The following HIF3A variants were observed in gnomAD, a reference collection of about 807,000 sequenced individuals.
HIF3A encodes the protein hypoxia inducible factor 3 subunit alpha, also known as hypoxia-inducible factor 3-alpha.
In HIF3A, 41 loss-of-function variants were observed where a neutral mutation model predicts 67.2. That is an observed-to-expected ratio of 0.61 (90% confidence interval 0.48 to 0.79). The LOEUF is 0.79. Among genes scored for constraint, HIF3A ranks in the 30% least tolerant of loss-of-function variants. The probability of loss-of-function intolerance (pLI) is 0.00; values close to 1 mark genes in which losing one functional copy is unlikely to be tolerated. For synonymous variants in HIF3A, 356 were observed against 374.8 expected (o/e 0.95, Z 0.58); for missense variants, 855 against 898.0 (o/e 0.95, Z 0.61).
chr19:46,339,089 C>T (rs917838068), intron 14 of HIF3A, among the ~76,000 whole-genome samples: 11 of 152,102 alleles, frequency 7.2e-5, no homozygotes, highest in African/African-American at 9.7e-5. Flanking sequence ...CAATACCAGG[C>T]GTTATCAATA....
rs746767083 is a variant in HIF3A, at chr19:46,324,961, C to CATATATAT, written c.1336-571_1336-570insTATATATA. Among the ~76,000 whole-genome samples, 245 of 133,170 alleles carry CATATATAT rather than the reference C, an allele frequency of 1.8e-3. 2 individuals are homozygous for CATATATAT. The highest frequency in any genetic ancestry group is 6.4e-3 in the African/African-American group (219 of 34,120). 87.4% of individuals were successfully genotyped at this position (133,170 alleles called of 152,430 possible). Reference sequence around the variant, plus strand: ...ATATATACATATATATATATATACACATACACACACACACACACATATATT... The same window carrying CATATATAT: ...ATATATACATATATATATATATACACATATATATATACACACACACACACACATATATT... On this transcript the variant is annotated intron_variant, in intron 10 of 14. Coordinates refer to ENST00000377670, the MANE Select transcript of HIF3A (RefSeq NM_152795.4).
chr19:46,304,197 G>A (rs1360369569), intron 2 of HIF3A, 109 bp downstream of exon 2: 17 of 947,948 alleles, frequency 1.8e-5, no homozygotes, highest in Admixed American at 5.8e-5. Context: ...ACAAAGCCCC[G>A]CCCCCTGGTG....
At position 46,297,059 on chromosome 19, in the gene HIF3A, A is replaced by T; in HGVS notation, c.-18A>T. ...GGCTAGGGGCCTCCGAGGGCTCCGG[A>T]GCGGCGACTGGCGAGCCATGGCGCT... On this transcript the variant is annotated 5_prime_UTR_variant, in exon 1 of 15. Transcript: ENST00000377670. This position sits in a 1 kb window ranked among gnomAD's most constrained non-coding sequence, Gnocchi z 4.5. 7.7e-7 allele frequency: 1 copy of T among 1,304,354 alleles called. No homozygotes were observed. Among genetic ancestry groups the T allele is most frequent in the Non-Finnish European group, 9.8e-7 (1 of 1,016,758 alleles). 80.8% of individuals were successfully genotyped at this position (1,304,354 alleles called of 1,614,324 possible). A position where few individuals can be genotyped will look rare whatever the true frequency, so the allele number is the denominator to read the frequency against.
At chr19:46,310,619 G>T (rs1462588778) in intron 6 of HIF3A, 2 of 456,068 alleles carry the variant, frequency 4.4e-6, no homozygotes, top group Admixed American at 4.7e-5. Flanking sequence ...TCACCTCTCT[G>T]TGCCACAATT....
At position 46,309,354 on chromosome 19, in the gene HIF3A, C is replaced by A. The variant is rs139602161; in HGVS notation, c.765C>A (p.Asp255Glu). Residue 255 changes from aspartate to glutamate, a missense_variant, in exon 6 of 15, where the codon GAC (aspartate) becomes GAA (glutamate). Asp to Glu is a conservative substitution (Grantham distance 45). Coordinates refer to ENST00000377670, the MANE Select transcript of HIF3A (RefSeq NM_152795.4). ...HSLDMKFTYC[D>E]DRIAEVAGYS... Reference sequence around the variant, plus strand: ...TGGACATGAAGTTCACCTACTGTGACGACAGGTGGGCAGGGGCCCCCTCTT... The same window carrying A: ...TGGACATGAAGTTCACCTACTGTGAAGACAGGTGGGCAGGGGCCCCCTCTT... 1.2e-6 allele frequency: 2 copies of A among 1,603,174 alleles called. No individual in the cohort carries two copies.
intron 1 of HIF3A, among the ~76,000 whole-genome samples, chr19:46,302,315 A>G (rs544087278): frequency 2.6e-5 from 4 of 152,238 alleles, no homozygotes; most frequent in African/African-American, 9.6e-5. Context: ...TATTTTTAGT[A>G]GAGACAGGGT....
chr19:46,307,391 C>T (rs1601220782), intron 3 of HIF3A, among the ~76,000 whole-genome samples: 1 of 151,958 alleles, frequency 6.6e-6, no homozygotes. Flanking sequence ...CACTTGAGCT[C>T]AGGAGTTTGA....
chr19:46,318,502 T>A (rs1970098707), intron 8 of HIF3A, among the ~76,000 whole-genome samples: 1 of 120,450 alleles, frequency 8.3e-6, no homozygotes, highest in South Asian at 3.0e-4. Flanking sequence ...TGAGCCGAGA[T>A]CGCACCACTG....
chr19:46,330,211 T>C (rs1400500986), intron 12 of HIF3A, among the ~76,000 whole-genome samples: 2 of 152,046 alleles, frequency 1.3e-5, no homozygotes, highest in Non-Finnish European at 2.9e-5. Context: ...GTGGGCCTGA[T>C]AAATACTTAT....
rs779216668 is a variant in HIF3A, at chr19:46,308,671, A to G, written c.457A>G (p.Arg153Gly). The change falls in exon 5 of 15, where the codon AGG (arginine) becomes GGG (glycine). Residue 153 changes from arginine to glycine, a missense_variant. Arg to Gly is a moderately radical substitution (Grantham distance 125). This residue lies in a region of HIF3A where 638 missense variants were observed against 660.5 expected (regional missense o/e 0.97). Coordinates refer to ENST00000377670, the MANE Select transcript of HIF3A (RefSeq NM_152795.4). ...DALTPQQTLS[R>G]RKVEAPTERC... ...CCCCCGGGCCTCCCCAGCCCTGTCC[A>G]GGAGGAAGGTGGAGGCCCCCACGGA... 1.2e-6 allele frequency: 2 copies of G among 1,603,816 alleles called. No homozygotes were observed. Among genetic ancestry groups the G allele is most frequent in the East Asian group, 4.5e-5 (2 of 44,572 alleles).
chr19:46,315,661 C>T (rs1018028746), intron 8 of HIF3A, among the ~76,000 whole-genome samples: 20 of 152,186 alleles, frequency 1.3e-4, no homozygotes, highest in African/African-American at 4.8e-4. Flanking sequence ...TGCCTGTAAT[C>T]CCAGCACTTT....
At chr19:46,320,394 G>A in intron 8 of HIF3A, 49 bp from the exon 9 acceptor site, 1 of 1,474,564 alleles carries the variant, frequency 6.8e-7, no homozygotes, top group Non-Finnish European at 9.5e-7. Flanking sequence ...CTGGGCTGGA[G>A]CCAAGGACCC....
At chr19:46,338,822 G>A (rs962731169) in intron 14 of HIF3A, among the ~76,000 whole-genome samples, 10 of 152,080 alleles carry the variant, frequency 6.6e-5, no homozygotes, top group African/African-American at 1.9e-4. Context: ...GTTCTTCACC[G>A]CAGCCCTGAA....
Position 46,331,265 on chromosome 19 carries a change from C to G in HIF3A, c.1822C>G (p.Leu608Val). Residue 608 changes from leucine (L) to valine (V), a missense_variant, in exon 13 of 15, where the codon CTC (leucine) becomes GTC (valine). Physicochemically the swap from Leu to Val is conservative, Grantham distance 32. Coordinates refer to ENST00000377670, the MANE Select transcript of HIF3A (RefSeq NM_152795.4). ...ACACGAAAACTTTCTGCTCTTTCCT[C>G]TCAGCCTGGTGTGTTGGGGGATTAA... Reference protein sequence around the residue: ...PEHENFLLFPLSLSFLLTGGP... With the variant: ...PEHENFLLFPVSLSFLLTGGP... 1 of 1,613,126 alleles carries G rather than the reference C, an allele frequency of 6.2e-7. No individual in the cohort carries two copies. The highest frequency in any genetic ancestry group is 8.5e-7 in the Non-Finnish European group (1 of 1,179,176).
Position 46,312,255 on chromosome 19 carries a change from A to T in HIF3A, c.865A>T (p.Ser289Cys), listed in dbSNP as rs768030968. 2.5e-6 allele frequency: 4 copies of T among 1,613,936 alleles called. No individual in the cohort carries two copies. The highest frequency in any genetic ancestry group is 2.2e-5 in the East Asian group (1 of 44,868). The change falls in exon 7 of 15, where the codon AGC becomes TGC. Residue 289 changes from serine (S) to cysteine (C), a missense_variant. Ser to Cys is a moderately radical substitution (Grantham distance 112, BLOSUM62 -1). Around this residue, in one of 3 missense-constraint regions of HIF3A, gnomAD observed 638 missense variants for 660.5 expected, o/e 0.97. Coordinates refer to ENST00000377670, the MANE Select transcript of HIF3A (RefSeq NM_152795.4). ...GCTGGACTCCGATGCGGTCAGCAAG[A>T]GCATCCACACCTGTATGTATCCCAT... ...HALDSDAVSK[S>C]IHTLLSKGQA...
intron 14 of HIF3A, among the ~76,000 whole-genome samples, chr19:46,337,966 C>T (rs1971746683): frequency 6.6e-6 from 1 of 152,136 alleles, no homozygotes; most frequent in Non-Finnish European, 1.5e-5. Flanking sequence ...CATGGGTGGG[C>T]GGTGGCTAAG....
At position 46,304,104 on chromosome 19, in the gene HIF3A, G is replaced by A. The variant is rs1968595083; in HGVS notation, c.217+16G>A. 3.9e-6 allele frequency: 6 copies of A among 1,546,290 alleles called. No homozygotes were observed. Among genetic ancestry groups the A allele is most frequent in the Admixed American group, 1.9e-5 (1 of 51,696 alleles). ...TGCGCCGCAGGTGAGCCCCGCCCGCGGGAATTCCCGTCTTGGTCAGGCCCC... is the reference window on the plus strand; with the variant it reads ...TGCGCCGCAGGTGAGCCCCGCCCGCAGGAATTCCCGTCTTGGTCAGGCCCC... On this transcript the variant is annotated intron_variant, in intron 2 of 14. Transcript: ENST00000377670.
chr19:46,302,857 G>C (rs985238959), intron 1 of HIF3A, among the ~76,000 whole-genome samples: 2 of 152,230 alleles, frequency 1.3e-5, no homozygotes, highest in South Asian at 4.1e-4. Context: ...CTGGGCAACA[G>C]AGCGACAGCC....
chr19:46,321,860 G>A lies in HIF3A; in HGVS notation c.1229G>A (p.Cys410Tyr). 1 of 1,614,010 alleles carries A rather than the reference G, an allele frequency of 6.2e-7. No individual in the cohort carries two copies. The highest frequency in any genetic ancestry group is 8.5e-7 in the Non-Finnish European group (1 of 1,180,018). ...CTGGCCGCTGACCCCCGCCGTTTCT[G>A]CAGCCCTGACCTCCGTCGCCTCCTG... Reference protein sequence around the residue: ...AALAADPRRFCSPDLRRLLGP... With the variant: ...AALAADPRRFYSPDLRRLLGP... The change falls in exon 10 of 15, where the codon TGC becomes TAC. Residue 410 changes from cysteine (C) to tyrosine (Y), a missense_variant. Physicochemically the swap from Cys to Tyr is radical, Grantham distance 194. Coordinates refer to ENST00000377670, the MANE Select transcript of HIF3A (RefSeq NM_152795.4).
Sources: allele counts gnomAD v4.1 joint callset (sites outside exome capture counted in the v4.1 genomes callset), GRCh38; gene constraint gnomAD v4.1.1; regional missense constraint gnomAD v4.1.1; non-coding constraint Gnocchi (gnomAD v3.1); transcripts MANE v1.5; gene names NCBI Gene and HGNC (gene_info 2026-07-23, HGNC 2026-07-21).